ZSWIM8: variants seen among roughly 807,000 people sequenced by gnomAD.
ZSWIM8 encodes zinc finger SWIM domain-containing protein 8.
Under a neutral mutation model 173.7 loss-of-function variants are expected in ZSWIM8, and 27 were observed. That is an observed-to-expected ratio of 0.16 (90% CI 0.11 to 0.21). The LOEUF is 0.21. Among genes scored for constraint, ZSWIM8 ranks in the 10% least tolerant of loss-of-function variants. ZSWIM8 has a pLI of 1.00. For missense variants in ZSWIM8, 1,627 were observed against 2,428.8 expected, an observed-to-expected ratio of 0.67 and a Z score of 6.94; for synonymous variants, 958 against 962.0, an observed-to-expected ratio of 1.00 and a Z score of 0.08.
In ZSWIM8 at chr10:73,799,298, G is replaced by A. The variant is rs376687565; in HGVS notation, c.4473G>A (p.Ser1491=). 31 of 1,604,180 alleles carry A rather than the reference G, an allele frequency of 1.9e-5. No individual in the cohort carries two copies. The highest frequency in any genetic ancestry group is 1.0e-4 in the Admixed American group (6 of 58,526). ...CAGCCACAGTGGTGCCCGTCATATCGGTGGGGTCTAGTTTATACCCGGGTC... is the reference window on the plus strand; with the variant it reads ...CAGCCACAGTGGTGCCCGTCATATCAGTGGGGTCTAGTTTATACCCGGGTC... ...TAAATVVPVI[S]VGSSLYPGPG... is the part of the protein sequence containing the mutation. Residue 1491 remains serine (S), a synonymous_variant, in exon 21 of 26, where the codon TCG becomes TCA. Transcript: ENST00000604729.
chr10:73,797,461 G>C lies in ZSWIM8; in HGVS notation c.3518G>C (p.Trp1173Ser). Residue 1173 changes from tryptophan to serine, a missense_variant, in exon 18 of 26, where the codon TGG becomes TCG. Trp to Ser is a radical substitution (Grantham distance 177). Coordinates refer to ENST00000604729, the MANE Select transcript of ZSWIM8 (RefSeq NM_001367799.1). This position sits in a 1 kb window ranked among gnomAD's most constrained non-coding sequence, Gnocchi z 5.6. ...AGCCGGAGACCACTTCGAGGGGGCT[G>C]GGCCCCCACCTCCTGGGGTCGAGGT... ...TLSRRPLRGG[W>S]APTSWGRGQD... 1 of 1,613,990 alleles carries C rather than the reference G, an allele frequency of 6.2e-7. No homozygotes were observed. The highest frequency in any genetic ancestry group is 8.5e-7 in the Non-Finnish European group (1 of 1,179,882).
In ZSWIM8 at chr10:73,791,809, C is replaced by A. The variant is rs1407974767; in HGVS notation, c.1320-50C>A. The A allele has an allele frequency of 6.8e-7, 1 of 1,470,430 alleles. No individual in the cohort carries two copies. Among genetic ancestry groups the A allele is most frequent in the South Asian group, 1.4e-5 (1 of 72,260 alleles). The allele number at this position is 1,470,430 out of a possible 1,614,324, so 91.1% of individuals were successfully genotyped here. On this transcript the variant is annotated intron_variant, in intron 9 of 25. Coordinates refer to ENST00000604729, the MANE Select transcript of ZSWIM8 (RefSeq NM_001367799.1). The surrounding 1 kb of genome is among the most constrained non-coding windows in gnomAD (Gnocchi z 6.0). ...TTGGGGTGTACACCTACTCCATGCCCATCCTTTCCCAGTAGCCCCTCAGCA... is the reference window on the plus strand; with the variant it reads ...TTGGGGTGTACACCTACTCCATGCCAATCCTTTCCCAGTAGCCCCTCAGCA...
In ZSWIM8 at chr10:73,800,607, C is replaced by T. The variant is rs755983158; in HGVS notation, c.5003-33C>T. On this transcript the variant is annotated intron_variant, in intron 23 of 25. Transcript: ENST00000604729. This position sits in a 1 kb window ranked among gnomAD's most constrained non-coding sequence, Gnocchi z 4.1. ...GGGGTAAAGGGTGAAGAGGATACAC[C>T]GTACCATGTGCCCACCCTTATCTAT... 95 of 1,610,718 alleles carry T rather than the reference C, an allele frequency of 5.9e-5. No homozygotes were observed. The highest frequency in any genetic ancestry group is 7.3e-5 in the Non-Finnish European group (86 of 1,178,230).
Position 73,797,193 on chromosome 10 carries a change from C to T in ZSWIM8, c.3355C>T (p.Arg1119Cys), listed in dbSNP as rs900236632. ...AAGGCCAGAAGGGAAGGTTCCTAGC[C>T]GCTTGGCACTTGGCAGTCGTGGAGG... ...TPRPEGKVPS[R>C]LALGSRGGYN... is the part of the protein sequence containing the mutation. Residue 1119 changes from arginine (R) to cysteine (C), a missense_variant, in exon 17 of 26, where the codon CGC becomes TGC. By Grantham distance (180) the Arg-to-Cys change is radical (BLOSUM62 -3). Around this residue, in one of 18 missense-constraint regions of ZSWIM8, gnomAD observed 163 missense variants for 193.2 expected, o/e 0.84. Transcript: ENST00000604729. The surrounding 1 kb of genome is among the most constrained non-coding windows in gnomAD (Gnocchi z 5.6). The T allele has an allele frequency of 3.1e-6, 5 of 1,613,978 alleles. No individual in the cohort carries two copies. The highest frequency in any genetic ancestry group is 1.7e-5 in the Admixed American group (1 of 60,016).
At position 73,789,845 on chromosome 10, in the gene ZSWIM8, C is replaced by G; in HGVS notation, c.738+21C>G. On this transcript the variant is annotated intron_variant, in intron 5 of 25. Transcript: ENST00000604729. This position sits in a 1 kb window ranked among gnomAD's most constrained non-coding sequence, Gnocchi z 6.8. Reference sequence around the variant, plus strand: ...AGCAGGTGGGTGAGGTCGGCACCCCCTCCTGCAATTAGCTCCGGGCCAGGC... The same window carrying G: ...AGCAGGTGGGTGAGGTCGGCACCCCGTCCTGCAATTAGCTCCGGGCCAGGC... 6.3e-7 allele frequency: 1 copy of G among 1,594,056 alleles called. No homozygotes were observed. Among genetic ancestry groups the G allele is most frequent in the Non-Finnish European group, 8.5e-7 (1 of 1,169,938 alleles).
rs768617876 is a variant in ZSWIM8 at position 73,793,471 on chromosome 10, G to A, written c.2314-117G>A. The A allele has an allele frequency of 7.1e-4, 822 of 1,162,358 alleles. 2 individuals carry two copies. Among genetic ancestry groups the A allele is most frequent in the Non-Finnish European group, 8.6e-4 (720 of 835,134 alleles). 72.0% of individuals were successfully genotyped at this position (1,162,358 alleles called of 1,614,324 possible). A position where few individuals can be genotyped will look rare whatever the true frequency, so the allele number is the denominator to read the frequency against. On this transcript the variant is annotated intron_variant, in intron 10 of 25. Transcript: ENST00000604729. ...TTTCTAACCAGAGCTCCTATGGAGC[G>A]GCACAGGGCCTGGCATGTAGCAAGT...
Position 73,793,978 on chromosome 10 carries a change from G to A in ZSWIM8, c.2559G>A (p.Leu853=), listed in dbSNP as rs1045941112. 2.5e-6 allele frequency: 4 copies of A among 1,613,272 alleles called. No individual in the cohort carries two copies. In the African/African-American group the frequency reaches 5.3e-5, roughly 22 times the overall value. Reference sequence around the variant, plus strand: ...GTGAGCGTCCAGAGCACCACAACCTGGCCTTCCGAGTTGGCATGTTTGCCT... The same window carrying A: ...GTGAGCGTCCAGAGCACCACAACCTAGCCTTCCGAGTTGGCATGTTTGCCT... ...VLSERPEHHN[L]AFRVGMFALE... The change falls in exon 12 of 26, where the codon CTG becomes CTA. Residue 853 remains leucine, a synonymous_variant. Coordinates refer to ENST00000604729, the MANE Select transcript of ZSWIM8 (RefSeq NM_001367799.1).
At position 73,789,509 on chromosome 10, in the gene ZSWIM8, C is replaced by G. The variant is rs1170235957; in HGVS notation, c.600C>G (p.Val200=). Residue 200 remains valine, a synonymous_variant, in exon 4 of 26, where the codon GTC becomes GTG. Transcript: ENST00000604729. The surrounding 1 kb of genome is among the most constrained non-coding windows in gnomAD (Gnocchi z 6.8). Reference sequence around the variant, plus strand: ...CTGGGGCCAAATGGTGCACCCACGTCGTGGCACTCTGTCTCTTCCGCATCC... The same window carrying G: ...CTGGGGCCAAATGGTGCACCCACGTGGTGGCACTCTGTCTCTTCCGCATCC... ...CGAGAKWCTH[V]VALCLFRIHN... The G allele has an allele frequency of 1.2e-6, 2 of 1,613,086 alleles. No homozygotes were observed. The highest frequency in any genetic ancestry group is 1.3e-5 in the African/African-American group (1 of 74,886).
intron 13 of ZSWIM8, 102 bp downstream of exon 13, chr10:73,794,432 TC>T: frequency 6.4e-7 from 1 of 1,557,032 alleles, no homozygotes. Flanking sequence ...TTAGGACCCA[TC>T]AGGCAGCTTC....
rs550418129 is a variant in ZSWIM8, at chr10:73,797,585, G to A, written c.3642G>A (p.Ala1214=). The change falls in exon 18 of 26, where the codon GCG becomes GCA. Residue 1214 remains alanine (A), a synonymous_variant. Transcript: ENST00000604729. This position sits in a 1 kb window ranked among gnomAD's most constrained non-coding sequence, Gnocchi z 5.6. ...RRASASGGAR[A]KTVEVGRYKG... ...CCAGTGCCAGTGGAGGAGCCCGGGCGAAGACTGTTGAAGTTGGCAGGTCAG... is the reference window on the plus strand; with the variant it reads ...CCAGTGCCAGTGGAGGAGCCCGGGCAAAGACTGTTGAAGTTGGCAGGTCAG... 77 of 1,613,846 alleles carry A rather than the reference G, an allele frequency of 4.8e-5. 1 individual carries two copies. The African/African-American group carries it at 6.4e-4, about 13-fold the overall frequency.
intron 21 of ZSWIM8, 99 bp downstream of exon 21, chr10:73,799,589 A>G (rs2083827522): frequency 6.6e-7 from 1 of 1,508,862 alleles, no homozygotes; most frequent in Non-Finnish European, 9.0e-7. Context: ...GGTCAGTCGG[A>G]GAGTCCTGGT....
intron 7 of ZSWIM8, among the ~76,000 whole-genome samples, 160 bp downstream of exon 7, chr10:73,790,452 G>A (rs1006082244): frequency 8.6e-4 from 131 of 152,348 alleles, no homozygotes; most frequent in African/African-American, 3.1e-3. Flanking sequence ...ATTGATGGAA[G>A]ATGATGACCT....
At chr10:73,788,904 A>C in intron 2 of ZSWIM8, 81 bp downstream of exon 2, 1 of 1,568,386 alleles carries the variant, frequency 6.4e-7, no homozygotes, top group Non-Finnish European at 8.7e-7. Flanking sequence ...AACAAAGGAG[A>C]CATTGTATTT....
chr10:73,793,115 C>T (rs1028083479), intron 10 of ZSWIM8, among the ~76,000 whole-genome samples: 4 of 152,222 alleles, frequency 2.6e-5, no homozygotes, highest in African/African-American at 7.2e-5. Flanking sequence ...GTTGGCATGA[C>T]CTGTGAGGGT....
Position 73,792,785 on chromosome 10 carries a change from G to A in ZSWIM8, c.2246G>A (p.Gly749Asp). Residue 749 changes from glycine to aspartate, a missense_variant, in exon 10 of 26, where the codon GGC becomes GAC. By Grantham distance (94) the Gly-to-Asp change is moderately conservative. Around this residue, in one of 18 missense-constraint regions of ZSWIM8, gnomAD observed 383 missense variants for 394.8 expected, o/e 0.97. Transcript: ENST00000604729. The surrounding 1 kb of genome is among the most constrained non-coding windows in gnomAD (Gnocchi z 4.3). Reference protein sequence around the residue: ...GAGGEEEKAEGGAGEEHDLFA... With the variant: ...GAGGEEEKAEDGAGEEHDLFA... ...GGGGGCGAGGAAGAGAAGGCCGAGG[G>A]CGGGGCTGGGGAGGAGCACGACCTG... The A allele has an allele frequency of 6.2e-7, 1 of 1,608,364 alleles. No homozygotes were observed.
At position 73,786,075 on chromosome 10, in the gene ZSWIM8, C is replaced by G; in HGVS notation, c.197C>G (p.Thr66Ser). The change falls in exon 1 of 26, where the codon ACC becomes AGC. Residue 66 changes from threonine to serine, a missense_variant. Thr to Ser is a moderately conservative substitution (Grantham distance 58). Transcript: ENST00000604729. ...GGTGGCGGAGGTGGCAGTGGCGGTA[C>G]CAGAATGCGAGGTGAGAGTGAGCTG... The part of the protein sequence containing the change: ...GGGGGGGSGG[T>S]RMRDGLVIPL... 6.3e-7 allele frequency: 1 copy of G among 1,578,538 alleles called. No individual in the cohort carries two copies. Among genetic ancestry groups the G allele is most frequent in the Non-Finnish European group, 8.6e-7 (1 of 1,161,006 alleles).
rs1270467425 is a variant in ZSWIM8, at chr10:73,791,987, A to C, written c.1448A>C (p.Tyr483Ser). The part of the protein sequence containing the change: ...PGFRPAVEAC[Y>S]FNWEEAYPLP... ...TTCCGGCCAGCGGTGGAGGCCTGCT[A>C]CTTCAACTGGGAAGAGGCCTACCCA... is the stretch of plus-strand genomic sequence containing the variant. Residue 483 changes from tyrosine (Y) to serine (S), a missense_variant, in exon 10 of 26, where the codon TAC (tyrosine) becomes TCC (serine). Tyr to Ser is a moderately radical substitution (Grantham distance 144). Around this residue, in one of 18 missense-constraint regions of ZSWIM8, gnomAD observed 103 missense variants for 155.6 expected, o/e 0.66. Transcript: ENST00000604729. The surrounding 1 kb of genome is among the most constrained non-coding windows in gnomAD (Gnocchi z 6.0). 1.3e-6 allele frequency: 2 copies of C among 1,551,148 alleles called. No homozygotes were observed. The highest frequency in any genetic ancestry group is 3.9e-5 in the Admixed American group (2 of 51,012).
chr10:73,796,085 G>A (rs971768331), intron 15 of ZSWIM8, among the ~76,000 whole-genome samples: 3 of 152,020 alleles, frequency 2.0e-5, no homozygotes, highest in African/African-American at 4.8e-5. Context: ...ATTTTAGGCT[G>A]GGTGCAGTGG....
rs372242561 is a variant in ZSWIM8 at position 73,796,841 on chromosome 10, C to T, written c.3101C>T (p.Ser1034Leu). ...HKPQTLSSFY[S>L]SSRPTTASQR... ...CCACAGACGCTGAGTTCTTTCTACT[C>T]ATCTAGCCGCCCAACCACAGCCAGC... The change falls in exon 16 of 26, where the codon TCA becomes TTA. Residue 1034 changes from serine to leucine, a missense_variant. By Grantham distance (145) the Ser-to-Leu change is moderately radical. This residue lies in a region of ZSWIM8 where 163 missense variants were observed against 193.2 expected (regional missense o/e 0.84). Coordinates refer to ENST00000604729, the MANE Select transcript of ZSWIM8 (RefSeq NM_001367799.1). 1.2e-6 allele frequency: 2 copies of T among 1,614,064 alleles called. No individual in the cohort carries two copies. The highest frequency in any genetic ancestry group is 1.3e-5 in the African/African-American group (1 of 75,068).
Sources: gnomAD v4.1 joint callset for allele counts (sites outside exome capture counted in the v4.1 genomes callset) on GRCh38, gnomAD v4.1.1 for gene constraint, gnomAD v4.1.1 regional missense constraint, Gnocchi (gnomAD v3.1) non-coding constraint, MANE v1.5 for transcripts, NCBI Gene and HGNC (gene_info 2026-07-23, HGNC 2026-07-21) for gene names.